PLAAT3: variants seen among roughly 807,000 people sequenced by gnomAD.
PLAAT3 encodes the protein phospholipase A and acyltransferase 3.
Under a neutral mutation model 16.7 loss-of-function variants are expected in PLAAT3, and 21 were observed. The ratio of observed to expected loss-of-function variants is 1.26; its 90% CI spans 0.89 to 1.81. The LOEUF (loss-of-function observed/expected upper bound fraction) is 1.81. Among genes scored for constraint, PLAAT3 ranks in the 40% most tolerant of loss-of-function variants. The probability of loss-of-function intolerance (pLI) is 0.00; values close to 1 mark genes in which losing one functional copy is unlikely to be tolerated. For missense variants in PLAAT3, 219 were observed against 213.7 expected (o/e 1.02, Z -0.16); for synonymous variants, 76 against 81.7 (o/e 0.93, Z 0.38).
At chr11:63,613,933 G>A (rs1938759805) in intron 2 of PLAAT3, 67 bp downstream of exon 2, 3 of 1,001,874 alleles carry the variant, frequency 3.0e-6, no homozygotes, top group Non-Finnish European at 4.7e-6. Flanking sequence ...TTCAGGCTCC[G>A]AGACAACGAG....
intron 2 of PLAAT3, among the ~76,000 whole-genome samples, chr11:63,606,583 G>A (rs530002180): frequency 6.6e-6 from 1 of 152,320 alleles, no homozygotes; most frequent in East Asian, 1.9e-4. Context: ...GGCACGGGGT[G>A]CAATAGGAAT....
intron 2 of PLAAT3, among the ~76,000 whole-genome samples, chr11:63,607,011 G>A (rs1450741855): frequency 6.6e-6 from 1 of 152,160 alleles, no homozygotes; most frequent in Non-Finnish European, 1.5e-5. Context: ...CCTGCTAGGA[G>A]GCAACTGCAG....
rs545425647 is a variant in PLAAT3 at position 63,585,413 on chromosome 11, G to C, written c.387+4687C>G. On this transcript the variant is annotated intron_variant, in intron 4 of 4. Transcript: ENST00000415826. ...TCTCAACTGGAGACAGTTTTTCCCT[G>C]TGGGGGGAATTGTCTACAGACGTTT... is the stretch of plus-strand genomic sequence containing the variant. 3.3e-5 allele frequency among the ~76,000 whole-genome samples: 5 copies of C among 152,142 alleles called. No homozygotes were observed. In the East Asian group the frequency reaches 9.6e-4, roughly 29 times the overall value.
chr11:63,601,216 G>A (rs191788225), intron 2 of PLAAT3, among the ~76,000 whole-genome samples: 3 of 150,930 alleles, frequency 2.0e-5, no homozygotes, highest in Non-Finnish European at 3.0e-5. Context: ...CACCACATCC[G>A]GCTATTTTTT....
At position 63,598,066 on chromosome 11, in the gene PLAAT3, G is replaced by C; in HGVS notation, c.113C>G (p.Pro38Arg). 1 of 1,608,312 alleles carries C rather than the reference G, an allele frequency of 6.2e-7. No individual in the cohort carries two copies. Residue 38 changes from proline to arginine, a missense_variant, in exon 3 of 5, where the codon CCT becomes CGT. Transcript: ENST00000415826. ...GAGGTCCCATGTGTTCTTACTTGGA[G>C]GGGCCAGATGAACCACATATCCATC... Reference protein sequence around the residue: ...VGDGYVVHLAPPSEVAGAGAA... With the variant: ...VGDGYVVHLARPSEVAGAGAA...
intron 2 of PLAAT3, among the ~76,000 whole-genome samples, chr11:63,603,595 A>G (rs1938484124): frequency 6.6e-6 from 1 of 151,946 alleles, no homozygotes; most frequent in South Asian, 2.1e-4. Context: ...ACAAACCTGC[A>G]CATCCTGCAC....
intron 2 of PLAAT3, among the ~76,000 whole-genome samples, chr11:63,601,181 A>G (rs1938419824): frequency 6.7e-6 from 1 of 150,344 alleles, no homozygotes. Context: ...CAGCCTCCCA[A>G]GTAGCTGGGA....
chr11:63,581,255 G>A (rs1164068302), intron 4 of PLAAT3, among the ~76,000 whole-genome samples: 2 of 152,152 alleles, frequency 1.3e-5, no homozygotes, highest in Admixed American at 6.5e-5. Context: ...CTGCGGGGTC[G>A]GGCAGAATAG....
intron 4 of PLAAT3, among the ~76,000 whole-genome samples, chr11:63,578,126 AC>A (rs1167093706): frequency 5.9e-5 from 9 of 152,012 alleles, no homozygotes; most frequent in Admixed American, 2.6e-4. Context: ...TACTAAAAAT[AC>A]AAAAAATTAG....
intron 2 of PLAAT3, among the ~76,000 whole-genome samples, chr11:63,602,807 T>C (rs950961734): frequency 6.6e-6 from 1 of 152,078 alleles, no homozygotes; most frequent in Non-Finnish European, 1.5e-5. Flanking sequence ...ATGCTTACTA[T>C]GATGGCCAGG....
At chr11:63,578,259 G>C (rs551226789) in intron 4 of PLAAT3, among the ~76,000 whole-genome samples, 20 of 150,838 alleles carry the variant, frequency 1.3e-4, no homozygotes, top group Non-Finnish European at 2.2e-4. Context: ...CTCCAGCCTG[G>C]ACAACAGAGC....
chr11:63,581,152 G>A (rs1318995451), intron 4 of PLAAT3, among the ~76,000 whole-genome samples: 1 of 152,166 alleles, frequency 6.6e-6, no homozygotes, highest in African/African-American at 2.4e-5. Context: ...AAATATGTGT[G>A]TTTGAACAAT....
chr11:63,579,065 A>G (rs1340076479), intron 4 of PLAAT3, among the ~76,000 whole-genome samples: 1 of 152,260 alleles, frequency 6.6e-6, no homozygotes, highest in Non-Finnish European at 1.5e-5. Flanking sequence ...TGGGCGAAGG[A>G]TATGAACAGA....
At chr11:63,611,078 G>C (rs1938680657) in intron 2 of PLAAT3, among the ~76,000 whole-genome samples, 1 of 152,104 alleles carries the variant, frequency 6.6e-6, no homozygotes, top group Admixed American at 6.6e-5. Context: ...GATTGCTGTA[G>C]AGGATAGTTT....
intron 4 of PLAAT3, among the ~76,000 whole-genome samples, chr11:63,589,777 G>A (rs966657059): frequency 2.6e-5 from 4 of 152,148 alleles, no homozygotes; most frequent in Non-Finnish European, 5.9e-5. Flanking sequence ...TAAGGTAGTG[G>A]GTCCTAAAAC....
chr11:63,583,062 G>A (rs1470126961), intron 4 of PLAAT3, among the ~76,000 whole-genome samples: 10 of 151,376 alleles, frequency 6.6e-5, no homozygotes, highest in Non-Finnish European at 1.3e-4. Context: ...ACCGGGAGGC[G>A]GAGGTTGCAG....
chr11:63,586,346 G>A (rs550838371), intron 4 of PLAAT3, among the ~76,000 whole-genome samples: 4 of 152,112 alleles, frequency 2.6e-5, no homozygotes, highest in Non-Finnish European at 4.4e-5. Flanking sequence ...GTTGGCCAGG[G>A]TGGTCTCAAA....
intron 4 of PLAAT3, among the ~76,000 whole-genome samples, chr11:63,579,770 T>A (rs1349096765): frequency 2.0e-5 from 3 of 148,090 alleles, no homozygotes; most frequent in Non-Finnish European, 4.5e-5. Flanking sequence ...ACACCTAATG[T>A]TAAATGATGA....
At chr11:63,615,017 A>AATATATATATATATATATATATATATAT (rs1338719563), upstream of PLAAT3, among the ~76,000 whole-genome samples, 9 of 17,520 alleles carry the variant, frequency 5.1e-4, 1 homozygote, top group South Asian at 5.3e-3. Context: ...TCAGTCTCAA[A>AATATATATATATATATATATATATATAT]ATATATATAT....
Sources: allele counts gnomAD v4.1 joint callset (sites outside exome capture counted in the v4.1 genomes callset), GRCh38; gene constraint gnomAD v4.1.1; transcripts MANE v1.5; gene names NCBI Gene and HGNC (gene_info 2026-07-23, HGNC 2026-07-21).